SLC17A6: variants seen among roughly 807,000 people sequenced by gnomAD.
SLC17A6 encodes solute carrier family 17 member 6.
Under a neutral mutation model 67.1 loss-of-function variants are expected in SLC17A6, and 35 were observed. That is an observed-to-expected ratio of 0.52 (90% CI 0.40 to 0.69). The LOEUF is 0.69. SLC17A6 is among the 30% of genes least tolerant of loss of function. The probability of loss-of-function intolerance (pLI) is 0.00; values close to 1 mark genes in which losing one functional copy is unlikely to be tolerated. For missense variants in SLC17A6, 588 were observed against 723.9 expected (o/e 0.81, Z 2.15); for synonymous variants, 285 against 252.3 (o/e 1.13, Z -1.23).
At chr11:22,340,482 T>C (rs189260923) in intron 1 of SLC17A6, among the ~76,000 whole-genome samples, 4 of 152,292 alleles carry the variant, frequency 2.6e-5, no homozygotes, top group Admixed American at 2.0e-4. Context: ...AATGAATTGA[T>C]GGTTGAAATC....
At position 22,343,309 on chromosome 11, in the gene SLC17A6, C is replaced by T. The variant is rs1294131433; in HGVS notation, c.402C>T (p.Gly134=). The change falls in exon 3 of 12, where the codon GGC becomes GGT. Residue 134 remains glycine (G), a synonymous_variant. Coordinates refer to ENST00000263160, the MANE Select transcript of SLC17A6 (RefSeq NM_020346.3). ...TGATCCACGGTTCCTTCTTTTGGGG[C>T]TACATCATCACTCAGATTCCGGGAG... ...VGMIHGSFFW[G]YIITQIPGGY... 7 of 1,612,852 alleles carry T rather than the reference C, an allele frequency of 4.3e-6. No homozygotes were observed. The highest frequency in any genetic ancestry group is 4.5e-5 in the East Asian group (2 of 44,842).
intron 3 of SLC17A6, among the ~76,000 whole-genome samples, chr11:22,356,765 G>A (rs1307726495): frequency 6.6e-6 from 1 of 152,188 alleles, no homozygotes; most frequent in African/African-American, 2.4e-5. Context: ...GAACCCAGGA[G>A]GCAGAAGTTA....
In SLC17A6 at chr11:22,338,577, G is replaced by A. The variant is rs1285935903; in HGVS notation, c.44G>A (p.Gly15Glu). The A allele has an allele frequency of 1.9e-6, 3 of 1,613,642 alleles. No individual in the cohort carries two copies. The highest frequency in any genetic ancestry group is 3.3e-5 in the Admixed American group (2 of 59,966). Reference protein sequence around the residue: ...KQRILAPGKEGLKNFAGKSLG... With the variant: ...KQRILAPGKEELKNFAGKSLG... ...AGGATTTTGGCCCCAGGAAAAGAGG[G>A]GCTAAAGAATTTTGCTGGAAAATCA... Residue 15 changes from glycine (G) to glutamate (E), a missense_variant, in exon 1 of 12, where the codon GGG (glycine) becomes GAG (glutamate). By Grantham distance (98) the Gly-to-Glu change is moderately conservative (BLOSUM62 -2). Coordinates refer to ENST00000263160, the MANE Select transcript of SLC17A6 (RefSeq NM_020346.3).
intron 3 of SLC17A6, among the ~76,000 whole-genome samples, chr11:22,356,047 T>G (rs1855989940): frequency 6.6e-6 from 1 of 152,196 alleles, no homozygotes; most frequent in African/African-American, 2.4e-5. Context: ...GATTTTCATG[T>G]CAGAGAGCCC....
intron 3 of SLC17A6, among the ~76,000 whole-genome samples, chr11:22,358,207 A>AT (rs1242514258): frequency 1.3e-5 from 2 of 151,654 alleles, no homozygotes; most frequent in African/African-American, 4.8e-5. Context: ...AAATATATAG[A>AT]TTAGCTCATT....
intron 10 of SLC17A6, among the ~76,000 whole-genome samples, 161 bp downstream of exon 10, chr11:22,376,253 G>GAA (rs1438069273): frequency 6.6e-6 from 1 of 151,704 alleles, no homozygotes. Context: ...ATAAAATATT[G>GAA]AGAAAACATT....
intron 3 of SLC17A6, among the ~76,000 whole-genome samples, chr11:22,347,173 G>C (rs1166469307): frequency 6.6e-6 from 1 of 151,000 alleles, no homozygotes; most frequent in Non-Finnish European, 1.5e-5. Flanking sequence ...TAGTATCTCA[G>C]AGAGTACCTG....
At chr11:22,350,396 G>A (rs1325617345) in intron 3 of SLC17A6, among the ~76,000 whole-genome samples, 3 of 151,926 alleles carry the variant, frequency 2.0e-5, no homozygotes, top group African/African-American at 4.8e-5. Flanking sequence ...CAGAAATCAG[G>A]CTTTAACCTG....
intron 1 of SLC17A6, among the ~76,000 whole-genome samples, chr11:22,340,784 G>A (rs376646522): frequency 1.3e-5 from 2 of 152,162 alleles, no homozygotes; most frequent in Non-Finnish European, 2.9e-5. Context: ...AGTAAGAAGT[G>A]TAACAGGGGA....
chr11:22,353,521 A>G (rs1414174555), intron 3 of SLC17A6, among the ~76,000 whole-genome samples: 1 of 152,222 alleles, frequency 6.6e-6, no homozygotes, highest in Non-Finnish European at 1.5e-5. Context: ...TTGGATTTTC[A>G]CAGGGTAATA....
chr11:22,356,618 TGAGGTCA>T (rs1023974755), intron 3 of SLC17A6, among the ~76,000 whole-genome samples: 2 of 152,148 alleles, frequency 1.3e-5, no homozygotes, highest in African/African-American at 4.8e-5. Flanking sequence ...GTGGATCACT[TGAGGTCA>T]GGAGTTCAAG....
At position 22,370,077 on chromosome 11, in the gene SLC17A6, G is replaced by A. The variant is rs746600372; in HGVS notation, c.930G>A (p.Met310Ile). 2 of 1,611,232 alleles carry A rather than the reference G, an allele frequency of 1.2e-6. No individual in the cohort carries two copies. Among genetic ancestry groups the A allele is most frequent in the Non-Finnish European group, 1.7e-6 (2 of 1,178,894 alleles). Residue 310 changes from methionine to isoleucine, a missense_variant, in exon 8 of 12, where the codon ATG (methionine) becomes ATA (isoleucine). Physicochemically the swap from Met to Ile is conservative, Grantham distance 10 (BLOSUM62 1). This residue lies in a region of SLC17A6 where 414 missense variants were observed against 563.4 expected (regional missense o/e 0.73). Transcript: ENST00000263160. ...CATGGAGGAAGTTTTTTACATCCAT[G>A]CCAGTCTATGCAATAATTGTTGCAA... ...KTPWRKFFTS[M>I]PVYAIIVANF...
At chr11:22,357,284 T>A (rs1856002426) in intron 3 of SLC17A6, among the ~76,000 whole-genome samples, 1 of 152,214 alleles carries the variant, frequency 6.6e-6, no homozygotes. Flanking sequence ...GTTTATGGCA[T>A]GTGAAGCGTT....
chr11:22,372,649 G>A lies in SLC17A6; in HGVS notation c.1042-2106G>A, dbSNP rs189067658. Among the ~76,000 whole-genome samples the A allele has an allele frequency of 3.9e-5, 6 of 152,128 alleles. No individual in the cohort carries two copies. The East Asian group carries it at 5.8e-4, about 15-fold the overall frequency. Reference sequence around the variant, plus strand: ...ACGTGGATCAGATAGGAAGACATACGATCTAGACTATGACCCAGAAAAGCT... The same window carrying A: ...ACGTGGATCAGATAGGAAGACATACAATCTAGACTATGACCCAGAAAAGCT... On this transcript the variant is annotated intron_variant, in intron 8 of 11. Coordinates refer to ENST00000263160, the MANE Select transcript of SLC17A6 (RefSeq NM_020346.3).
At chr11:22,353,745 C>T (rs1855966943) in intron 3 of SLC17A6, among the ~76,000 whole-genome samples, 1 of 152,162 alleles carries the variant, frequency 6.6e-6, no homozygotes, top group Admixed American at 6.5e-5. Context: ...CTACCCTTGC[C>T]TCTACCCTCT....
intron 5 of SLC17A6, chr11:22,362,358 G>T (rs1054031821): frequency 5.1e-5 from 17 of 334,724 alleles, no homozygotes; most frequent in Non-Finnish European, 3.0e-5. Context: ...GCACGAATTT[G>T]CTACAAGGAG....
At chr11:22,361,099 C>T (rs1856047377) in intron 5 of SLC17A6, 115 bp downstream of exon 5, 2 of 690,152 alleles carry the variant, frequency 2.9e-6, no homozygotes, top group Non-Finnish European at 4.9e-6. Flanking sequence ...GTATGAACAT[C>T]TGTGAGTGGT....
At chr11:22,369,891 G>T (rs953894799) in intron 7 of SLC17A6, 148 bp from the exon 8 acceptor site, 10 of 627,638 alleles carry the variant, frequency 1.6e-5, no homozygotes, top group Non-Finnish European at 2.3e-5. Context: ...AGGTTAACTG[G>T]GTGGTTATAA....
intron 3 of SLC17A6, among the ~76,000 whole-genome samples, chr11:22,349,612 G>A (rs61880912): frequency 0.012 from 1,877 of 152,308 alleles, 15 homozygotes; most frequent in Non-Finnish European, 0.021. Context: ...CTGGAGGGGA[G>A]AGACATGATT....
Sources: gnomAD v4.1 joint callset for allele counts (sites outside exome capture counted in the v4.1 genomes callset) on GRCh38, gnomAD v4.1.1 for gene constraint, gnomAD v4.1.1 regional missense constraint, MANE v1.5 for transcripts, NCBI Gene and HGNC (gene_info 2026-07-23, HGNC 2026-07-21) for gene names.